The following ABCB7 variants were observed in gnomAD, a reference collection of about 807,000 sequenced individuals.
ABCB7 encodes ATP binding cassette subfamily B member 7.
Under a neutral mutation model 54.4 loss-of-function variants are expected in ABCB7, and 7 were observed. The observed-to-expected ratio is 0.13, with a 90% CI of 0.07 to 0.24. The LOEUF (loss-of-function observed/expected upper bound fraction) is 0.24. ABCB7 is among the 10% of genes least tolerant of loss of function. The pLI is 1.00. For missense variants in ABCB7, 356 were observed against 570.4 expected (o/e 0.62, Z 3.83); for synonymous variants, 218 against 207.1 (o/e 1.05, Z -0.45).
At chrX:75,139,177 C>T (rs900557663) in intron 1 of ABCB7, among the ~76,000 whole-genome samples, 5 of 110,776 alleles carry the variant, frequency 4.5e-5, no homozygotes, top group Non-Finnish European at 9.4e-5. Context: ...ACTTCAAACC[C>T]TTATTCCCTC....
chrX:75,153,773 T>TATATATAA (rs1315348493), intron 1 of ABCB7, among the ~76,000 whole-genome samples: 1 of 91,339 alleles, frequency 1.1e-5, no homozygotes, highest in Admixed American at 1.2e-4. Flanking sequence ...TATATATATA[T>TATATATAA]AAAATATATA....
At chrX:75,114,915 C>T in intron 1 of ABCB7, 84 bp from the exon 2 acceptor site, 2 of 831,757 alleles carry the variant, frequency 2.4e-6, no homozygotes, top group South Asian at 4.3e-5. Flanking sequence ...CATAAACATA[C>T]AGAAAATTAA....
rs181509698 is a variant in ABCB7, at chrX:75,101,226, G to A, written c.334-2165C>T. On this transcript the variant is annotated intron_variant, in intron 3 of 15. Transcript: ENST00000373394. Reference sequence around the variant, plus strand: ...TTAGGGAGGGAAGTTATATAATTTCGAGTAGATTTGCAAAGCAAGGAACGG... The same window carrying A: ...TTAGGGAGGGAAGTTATATAATTTCAAGTAGATTTGCAAAGCAAGGAACGG... Among the ~76,000 whole-genome samples the A allele has an allele frequency of 3.7e-5, 4 of 109,026 alleles. No individual in the cohort carries two copies. The East Asian group carries it at 1.2e-3, about 32-fold the overall frequency. The allele number at this position is 109,026 out of a possible 115,157, so 94.7% of individuals were successfully genotyped here. A position where few individuals can be genotyped will look rare whatever the true frequency, so the allele number is the denominator to read the frequency against.
intron 2 of ABCB7, 117 bp from the exon 3 acceptor site, chrX:75,113,089 T>A: frequency 1.7e-6 from 1 of 595,202 alleles, no homozygotes; most frequent in Admixed American, 2.4e-5. Context: ...ACAGGTATAG[T>A]ATTTAGTCTG....
chrX:75,087,152 G>A (rs967954027), intron 4 of ABCB7, among the ~76,000 whole-genome samples: 2 of 111,792 alleles, frequency 1.8e-5, no homozygotes, highest in Non-Finnish European at 3.8e-5. Flanking sequence ...TGTCTATGGA[G>A]CAACCATTTT....
chrX:75,055,577 A>C (rs932842217), intron 15 of ABCB7, among the ~76,000 whole-genome samples: 12 of 105,813 alleles, frequency 1.1e-4, no homozygotes, highest in African/African-American at 3.8e-4. Flanking sequence ...AAAAAAAAAA[A>C]AACAACCAAA....
chrX:75,062,055 G>GC (rs754878286), intron 14 of ABCB7, among the ~76,000 whole-genome samples: 3 of 112,514 alleles, frequency 2.7e-5, no homozygotes, highest in Non-Finnish European at 5.6e-5. Context: ...TTTGTAAGAT[G>GC]CAAGGGCAAT....
At chrX:75,106,279 C>A (rs928372521) in intron 3 of ABCB7, among the ~76,000 whole-genome samples, 1 of 111,281 alleles carries the variant, frequency 9.0e-6, no homozygotes, top group Non-Finnish European at 1.9e-5. Flanking sequence ...ACAAGTAACT[C>A]CATCAAGAAG....
chrX:75,121,791 CTTAAA>C (rs1170123150), intron 1 of ABCB7, among the ~76,000 whole-genome samples: 2 of 112,335 alleles, frequency 1.8e-5, no homozygotes, highest in South Asian at 3.7e-4. Context: ...TTTACTCAAT[CTTAAA>C]TTAAACACTT....
At chrX:75,122,861 GGTGTGTGTGTGT>G (rs58879235) in intron 1 of ABCB7, among the ~76,000 whole-genome samples, 25 of 93,147 alleles carry the variant, frequency 2.7e-4, no homozygotes, top group Admixed American at 1.2e-4. Context: ...TTAAAATTGG[GGTGTGTGTGTGT>G]GTGTGTGTGT....
intron 9 of ABCB7, 93 bp from the exon 10 acceptor site, chrX:75,070,615 A>G: frequency 7.9e-6 from 7 of 880,626 alleles, no homozygotes; most frequent in Non-Finnish European, 1.2e-5. Flanking sequence ...GACGGAACAA[A>G]ATATTCTTAA....
At chrX:75,120,628 A>G (rs4428804) in intron 1 of ABCB7, among the ~76,000 whole-genome samples, 71,461 of 109,800 alleles carry the variant, frequency 0.65, 20,690 homozygotes, top group Non-Finnish European at 0.91. Flanking sequence ...ATAAATAAAA[A>G]TAAACTGTTT....
intron 1 of ABCB7, among the ~76,000 whole-genome samples, chrX:75,115,494 C>A (rs996715925): frequency 1.2e-5 from 1 of 85,192 alleles, no homozygotes; most frequent in Admixed American, 1.6e-4. Flanking sequence ...TCTTAAATGG[C>A]TTTTATGCTC....
chrX:75,069,530 C>G, intron 10 of ABCB7, 76 bp from the exon 11 acceptor site: 1 of 1,047,587 alleles, frequency 9.5e-7, no homozygotes, highest in South Asian at 2.0e-5. Flanking sequence ...TTCTAATTCA[C>G]AGAAAGAAAA....
chrX:75,101,194 G>A (rs2081636668), intron 3 of ABCB7, among the ~76,000 whole-genome samples: 1 of 109,893 alleles, frequency 9.1e-6, no homozygotes, highest in Non-Finnish European at 1.9e-5. Flanking sequence ...CATATATTCA[G>A]CAGGGGTTAG....
intron 8 of ABCB7, 52 bp downstream of exon 8, chrX:75,073,637 C>G: frequency 1.1e-5 from 11 of 982,108 alleles, no homozygotes; most frequent in Non-Finnish European, 1.6e-5. Context: ...AATGGTAGAT[C>G]AAATCTTAGT....
intron 3 of ABCB7, among the ~76,000 whole-genome samples, chrX:75,108,747 GA>G (rs2081728750): frequency 1.8e-5 from 2 of 110,572 alleles, no homozygotes; most frequent in Admixed American, 1.9e-4. Context: ...AACTGAAAAC[GA>G]GGTGGCCCAA....
intron 4 of ABCB7, among the ~76,000 whole-genome samples, chrX:75,086,326 T>C (rs1411603104): frequency 9.0e-6 from 1 of 111,714 alleles, no homozygotes; most frequent in Admixed American, 9.5e-5. Flanking sequence ...AAGTAAAAAG[T>C]AAAATTGCCA....
intron 3 of ABCB7, among the ~76,000 whole-genome samples, chrX:75,104,385 C>T (rs1221422941): frequency 1.8e-5 from 2 of 108,720 alleles, no homozygotes; most frequent in African/African-American, 6.7e-5. Flanking sequence ...CACAGAAATA[C>T]AAAATATCAT....
Sources: gnomAD v4.1 joint callset for allele counts (sites outside exome capture counted in the v4.1 genomes callset) on GRCh38, gnomAD v4.1.1 for gene constraint, MANE v1.5 for transcripts, NCBI Gene and HGNC (gene_info 2026-07-23, HGNC 2026-07-21) for gene names.